Variants in HOMEZ observed in about 807,000 individuals in gnomAD.
HOMEZ encodes the protein homeobox and leucine zipper protein Homez.
HOMEZ carries 20 observed loss-of-function variants against 50.1 expected under a neutral mutation model. The observed-to-expected ratio is 0.40, with a 90% confidence interval of 0.28 to 0.58. The LOEUF (loss-of-function observed/expected upper bound fraction) is 0.58. Ranked by LOEUF, HOMEZ falls within the 20% of genes least tolerant of loss-of-function variation. The pLI, the probability that HOMEZ is intolerant of heterozygous loss-of-function variation, is 0.46. For missense variants in HOMEZ, 579 were observed against 680.5 expected, an observed-to-expected ratio of 0.85 and a Z score of 1.66; for synonymous variants, 239 against 254.7, an observed-to-expected ratio of 0.94 and a Z score of 0.59.
Position 23,275,844 on chromosome 14 carries a change from C to G in HOMEZ, c.1384G>C (p.Asp462His), listed in dbSNP as rs1270754539. The G allele has an allele frequency of 1.9e-6, 3 of 1,599,050 alleles. No individual in the cohort carries two copies. Among genetic ancestry groups the G allele is most frequent in the Non-Finnish European group, 2.6e-6 (3 of 1,171,550 alleles). The change falls in exon 2 of 2, where the codon GAT (aspartate) becomes CAT (histidine). Residue 462 changes from aspartate to histidine, a missense_variant. By Grantham distance (81) the Asp-to-His change is moderately conservative. Coordinates refer to ENST00000357460, the MANE Select transcript of HOMEZ (RefSeq NM_020834.3). Reference protein sequence around the residue: ...PPLPIPPPPPDIQPLERYWAA... With the variant: ...PPLPIPPPPPHIQPLERYWAA... ...CAGTACCTCTCCAAGGGTTGTATAT[C>G]CGGTGGGGGTGGAGGGATCGGCAGA...
chr14:23,279,462 G>C (rs1206200874), intron 1 of HOMEZ, among the ~76,000 whole-genome samples: 2 of 152,154 alleles, frequency 1.3e-5, no homozygotes, highest in Non-Finnish European at 2.9e-5. Context: ...CGGGTGAGTG[G>C]TTTGGTGGGG....
chr14:23,276,528 C>G lies in HOMEZ; in HGVS notation c.700G>C (p.Gly234Arg). ...CCATGTGACTGGTTGGGACCCCTGC[C>G]TGCCTGCTCCTTTGAGAGGCCACTG... ...QSSGLSKEQA[G>R]RGPNQSHGIG... The change falls in exon 2 of 2, where the codon GGC becomes CGC. Residue 234 changes from glycine to arginine, a missense_variant. Physicochemically the swap from Gly to Arg is moderately radical, Grantham distance 125. Transcript: ENST00000357460. This position sits in a 1 kb window ranked among gnomAD's most constrained non-coding sequence, Gnocchi z 4.1. 1 of 1,614,046 alleles carries G rather than the reference C, an allele frequency of 6.2e-7. No homozygotes were observed. Among genetic ancestry groups the G allele is most frequent in the Non-Finnish European group, 8.5e-7 (1 of 1,179,898 alleles).
chr14:23,276,527 C>T lies in HOMEZ; in HGVS notation c.701G>A (p.Gly234Asp). Residue 234 changes from glycine to aspartate, a missense_variant, in exon 2 of 2, where the codon GGC (glycine) becomes GAC (aspartate). Coordinates refer to ENST00000357460, the MANE Select transcript of HOMEZ (RefSeq NM_020834.3). The surrounding 1 kb of genome is among the most constrained non-coding windows in gnomAD (Gnocchi z 4.1). Reference sequence around the variant, plus strand: ...GCCATGTGACTGGTTGGGACCCCTGCCTGCCTGCTCCTTTGAGAGGCCACT... The same window carrying T: ...GCCATGTGACTGGTTGGGACCCCTGTCTGCCTGCTCCTTTGAGAGGCCACT... ...QSSGLSKEQA[G>D]RGPNQSHGIG... 1 of 1,614,022 alleles carries T rather than the reference C, an allele frequency of 6.2e-7. No homozygotes were observed. Among genetic ancestry groups the T allele is most frequent in the Non-Finnish European group, 8.5e-7 (1 of 1,179,886 alleles).
At chr14:23,280,477 A>T (rs1200323600) in intron 1 of HOMEZ, among the ~76,000 whole-genome samples, 1 of 152,012 alleles carries the variant, frequency 6.6e-6, no homozygotes, top group Admixed American at 6.6e-5. Flanking sequence ...AGCTCCTGCA[A>T]GCTACCCAGC....
At position 23,276,649 on chromosome 14, in the gene HOMEZ, T is replaced by C; in HGVS notation, c.579A>G (p.Pro193=). 1 of 1,614,024 alleles carries C rather than the reference T, an allele frequency of 6.2e-7. No individual in the cohort carries two copies. Among genetic ancestry groups the C allele is most frequent in the Non-Finnish European group, 8.5e-7 (1 of 1,179,900 alleles). The change falls in exon 2 of 2, where the codon CCA becomes CCG. Residue 193 remains proline, a synonymous_variant. Transcript: ENST00000357460. This position sits in a 1 kb window ranked among gnomAD's most constrained non-coding sequence, Gnocchi z 4.1. ...TTAATTTCTGGTGACTCTGTGGCAG[T>C]GGTGGCATCTGAGAGGGCTCCTCAG... The part of the protein sequence containing the change: ...VEPEEPSQMP[P]LPQSHQKLKE...
chr14:23,285,998 A>C lies in HOMEZ; in HGVS notation c.-46T>G, dbSNP rs761676630. The C allele has an allele frequency of 5.7e-6, 7 of 1,234,474 alleles. No individual in the cohort carries two copies. The highest frequency in any genetic ancestry group is 7.1e-6 in the Non-Finnish European group (7 of 985,436). 76.5% of individuals were successfully genotyped at this position (1,234,474 alleles called of 1,614,324 possible). Reference sequence around the variant, plus strand: ...AGAGGGCAGGGGGCCTCCGAGTGGGAGTGGGGTTGCTGCCCGGTGCGGCCG... The same window carrying C: ...AGAGGGCAGGGGGCCTCCGAGTGGGCGTGGGGTTGCTGCCCGGTGCGGCCG... On this transcript the variant is annotated 5_prime_UTR_variant, in exon 1 of 2. Coordinates refer to ENST00000357460, the MANE Select transcript of HOMEZ (RefSeq NM_020834.3).
Position 23,276,442 on chromosome 14 carries a change from T to C in HOMEZ, c.786A>G (p.Lys262=), listed in dbSNP as rs1301447388. 1 of 1,613,930 alleles carries C rather than the reference T, an allele frequency of 6.2e-7. No homozygotes were observed. The highest frequency in any genetic ancestry group is 2.2e-5 in the East Asian group (1 of 44,870). ...TTVPQPQARD[K]PPPIALIASS... is the part of the protein sequence containing the mutation. ...TGGCAATTAATGCAATTGGTGGGGG[T>C]TTATCCCGAGCTTGTGGCTGGGGGA... The change falls in exon 2 of 2, where the codon AAA becomes AAG. Residue 262 remains lysine, a synonymous_variant. Coordinates refer to ENST00000357460, the MANE Select transcript of HOMEZ (RefSeq NM_020834.3). This position sits in a 1 kb window ranked among gnomAD's most constrained non-coding sequence, Gnocchi z 4.1.
intron 1 of HOMEZ, among the ~76,000 whole-genome samples, chr14:23,279,500 G>A (rs970127096): frequency 7.2e-5 from 11 of 152,178 alleles, no homozygotes; most frequent in Non-Finnish European, 1.2e-4. Flanking sequence ...GCAGGAAATC[G>A]GAAGGAGTCA....
At chr14:23,278,255 A>G (rs193012010) in intron 1 of HOMEZ, among the ~76,000 whole-genome samples, 24 of 152,120 alleles carry the variant, frequency 1.6e-4, no homozygotes, top group African/African-American at 4.6e-4. Flanking sequence ...TCTAGAAGCT[A>G]TCCACCAACT....
intron 1 of HOMEZ, among the ~76,000 whole-genome samples, chr14:23,281,272 A>T (rs1030683322): frequency 2.6e-5 from 4 of 152,200 alleles, no homozygotes; most frequent in African/African-American, 7.2e-5. Context: ...AGCAAATCTA[A>T]CTAACTGAGG....
chr14:23,284,463 A>C (rs759785135), intron 1 of HOMEZ, among the ~76,000 whole-genome samples: 1 of 152,228 alleles, frequency 6.6e-6, no homozygotes, highest in Non-Finnish European at 1.5e-5. Flanking sequence ...GTAGGCTGCT[A>C]CTAGTGCGCC....
Position 23,275,528 on chromosome 14 carries a change from G to C in HOMEZ, c.*47C>G. ...GTTTCTTTGTTTAAACAGTTACTAA[G>C]TTGGTTCATCTTTCAGTAACAGACC... is the stretch of plus-strand genomic sequence containing the variant. On this transcript the variant is annotated 3_prime_UTR_variant, in exon 2 of 2. Coordinates refer to ENST00000357460, the MANE Select transcript of HOMEZ (RefSeq NM_020834.3). 6.7e-7 allele frequency: 1 copy of C among 1,496,742 alleles called. No homozygotes were observed. The highest frequency in any genetic ancestry group is 8.9e-7 in the Non-Finnish European group (1 of 1,121,952). 92.7% of individuals were successfully genotyped at this position (1,496,742 alleles called of 1,614,324 possible). A position where few individuals can be genotyped will look rare whatever the true frequency, so the allele number is the denominator to read the frequency against.
At chr14:23,281,543 G>A (rs949952201) in intron 1 of HOMEZ, among the ~76,000 whole-genome samples, 1 of 152,098 alleles carries the variant, frequency 6.6e-6, no homozygotes, top group Non-Finnish European at 1.5e-5. Context: ...GCATAGGCAG[G>A]GCATAGAGCA....
Position 23,274,310 on chromosome 14 carries a change from G to A in HOMEZ, c.*1265C>T, listed in dbSNP as rs1886285027. ...GCAAAAAGATGAAAAATTAGTCTCT[G>A]TCAAGCTGGACAGGAGGTAGTTAAC... is the stretch of plus-strand genomic sequence containing the variant. On this transcript the variant is annotated 3_prime_UTR_variant, in exon 2 of 2. Coordinates refer to ENST00000357460, the MANE Select transcript of HOMEZ (RefSeq NM_020834.3). The A allele has an allele frequency of 6.6e-6, 1 of 152,562 alleles. No individual in the cohort carries two copies. Among genetic ancestry groups the A allele is most frequent in the East Asian group, 1.9e-4 (1 of 5,198 alleles). 9.5% of individuals were successfully genotyped at this position (152,562 alleles called of 1,614,324 possible).
chr14:23,275,433 C>T lies in HOMEZ; in HGVS notation c.*142G>A. 1 of 1,071,884 alleles carries T rather than the reference C, an allele frequency of 9.3e-7. No individual in the cohort carries two copies. Among genetic ancestry groups the T allele is most frequent in the Non-Finnish European group, 1.3e-6 (1 of 759,014 alleles). 66.4% of individuals were successfully genotyped at this position (1,071,884 alleles called of 1,614,324 possible). ...TCTCCCTGGTCCACCCTCACTATAT[C>T]CCCCTGCCACCCACCCTGAAGAACA... On this transcript the variant is annotated 3_prime_UTR_variant, in exon 2 of 2. Coordinates refer to ENST00000357460, the MANE Select transcript of HOMEZ (RefSeq NM_020834.3).
chr14:23,282,029 G>A (rs944877395), intron 1 of HOMEZ, among the ~76,000 whole-genome samples: 1 of 151,858 alleles, frequency 6.6e-6, no homozygotes, highest in Non-Finnish European at 1.5e-5. Context: ...TACCCAGCAA[G>A]TTTATGACTA....
Position 23,276,802 on chromosome 14 carries a change from A to G in HOMEZ, c.426T>C (p.Thr142=), listed in dbSNP as rs1277200102. The G allele has an allele frequency of 6.2e-7, 1 of 1,614,012 alleles. No individual in the cohort carries two copies. Among genetic ancestry groups the G allele is most frequent in the East Asian group, 2.2e-5 (1 of 44,892 alleles). The change falls in exon 2 of 2, where the codon ACT becomes ACC. Residue 142 remains threonine, a synonymous_variant. Coordinates refer to ENST00000357460, the MANE Select transcript of HOMEZ (RefSeq NM_020834.3). The surrounding 1 kb of genome is among the most constrained non-coding windows in gnomAD (Gnocchi z 4.1). ...QLHFKSLLSF[T]HHAGRPPEEV... Reference sequence around the variant, plus strand: ...CCTCTGGGGGCCGTCCCGCATGATGAGTAAAAGAGAGAAGGGATTTGAAAT... The same window carrying G: ...CCTCTGGGGGCCGTCCCGCATGATGGGTAAAAGAGAGAAGGGATTTGAAAT...
intron 1 of HOMEZ, among the ~76,000 whole-genome samples, chr14:23,277,743 C>CA (rs56248624): frequency 0.089 from 11,813 of 132,298 alleles, 1,450 homozygotes; most frequent in African/African-American, 0.28. Flanking sequence ...GAGACCCTAT[C>CA]AAAAAAAAAA....
chr14:23,280,763 A>ATTTTC (rs1295606666), intron 1 of HOMEZ, among the ~76,000 whole-genome samples: 1 of 86,018 alleles, frequency 1.2e-5, no homozygotes, highest in Non-Finnish European at 2.6e-5. Flanking sequence ...ATTTTATTTT[A>ATTTTC]TTTTATTTTA....
Sources: allele counts gnomAD v4.1 joint callset (sites outside exome capture counted in the v4.1 genomes callset), GRCh38; gene constraint gnomAD v4.1.1; non-coding constraint Gnocchi (gnomAD v3.1); transcripts MANE v1.5; gene names NCBI Gene and HGNC (gene_info 2026-07-23, HGNC 2026-07-21).